Variants in CCNY observed in about 807,000 individuals in gnomAD.
CCNY encodes the protein cyclin Y, also known as cyclin-Y.
CCNY carries 19 observed loss-of-function variants against 42.8 expected under a neutral mutation model. The observed-to-expected ratio is 0.44, with a 90% confidence interval of 0.31 to 0.65. The LOEUF is 0.65. Among genes scored for constraint, CCNY ranks in the 30% least tolerant of loss-of-function variants. CCNY has a pLI of 0.07. For missense variants in CCNY, 370 were observed against 437.3 expected, an observed-to-expected ratio of 0.85 and a Z score of 1.37; for synonymous variants, 165 against 162.7, an observed-to-expected ratio of 1.01 and a Z score of -0.11.
At chr10:35,451,235 T>C (rs1838908836) in intron 1 of CCNY, among the ~76,000 whole-genome samples, 1 of 152,186 alleles carries the variant, frequency 6.6e-6, no homozygotes, top group Admixed American at 6.5e-5. Flanking sequence ...TTCCCCCTTT[T>C]TTACAAAAAC....
intron 1 of CCNY, among the ~76,000 whole-genome samples, chr10:35,433,871 A>G (rs562128490): frequency 1.2e-4 from 18 of 152,268 alleles, no homozygotes; most frequent in Admixed American, 1.1e-3. Context: ...GGCCTCCTCA[A>G]AGTGCTAGGA....
intron 9 of CCNY, among the ~76,000 whole-genome samples, chr10:35,566,801 G>A (rs185041362): frequency 1.3e-5 from 2 of 152,174 alleles, no homozygotes; most frequent in Admixed American, 1.3e-4. Context: ...CGCCCCCTGG[G>A]TTCAAGTGAT....
intron 2 of CCNY, chr10:35,250,455 T>G (rs1215396860): frequency 6.6e-6 from 1 of 152,232 alleles, no homozygotes; most frequent in Non-Finnish European, 1.5e-5. Flanking sequence ...TGGTGGTCCA[T>G]GTATCCTCAG....
At chr10:35,531,359 A>G (rs748158061) in intron 7 of CCNY, among the ~76,000 whole-genome samples, 8 of 152,206 alleles carry the variant, frequency 5.3e-5, no homozygotes, top group Non-Finnish European at 1.0e-4. Context: ...AGGCTAACTG[A>G]ACAGAAACCC....
intron 1 of CCNY, among the ~76,000 whole-genome samples, chr10:35,406,958 G>A (rs1301846625): frequency 6.6e-6 from 1 of 152,148 alleles, no homozygotes; most frequent in African/African-American, 2.4e-5. Flanking sequence ...GTAATAAAAT[G>A]CATATTGAAA....
chr10:35,383,730 T>G (rs922644450), intron 1 of CCNY, among the ~76,000 whole-genome samples: 1 of 152,216 alleles, frequency 6.6e-6, no homozygotes, highest in South Asian at 2.1e-4. Flanking sequence ...CCTTAAAGTT[T>G]TTGATAAAGG....
intron 1 of CCNY, among the ~76,000 whole-genome samples, chr10:35,391,540 G>A (rs1837413779): frequency 6.6e-6 from 1 of 152,198 alleles, no homozygotes; most frequent in Non-Finnish European, 1.5e-5. Flanking sequence ...TGAGAACCAG[G>A]AAGTTAAACT....
At chr10:35,414,023 G>A (rs998090508) in intron 1 of CCNY, among the ~76,000 whole-genome samples, 1 of 152,196 alleles carries the variant, frequency 6.6e-6, no homozygotes, top group Admixed American at 6.5e-5. Context: ...TGCAAATAAA[G>A]ATATGTTTTT....
chr10:35,422,170 ATTT>A (rs1277583322), intron 1 of CCNY, among the ~76,000 whole-genome samples: 1 of 152,054 alleles, frequency 6.6e-6, no homozygotes, highest in African/African-American at 2.4e-5. Flanking sequence ...TTCTTTTAAA[ATTT>A]TTTTAAAATT....
intron 1 of CCNY, among the ~76,000 whole-genome samples, chr10:35,437,661 CA>C (rs1408037038): frequency 2.8e-5 from 4 of 142,034 alleles, no homozygotes; most frequent in Non-Finnish European, 3.1e-5. Context: ...GACTCTGTCT[CA>C]AAAAAAAAAC....
chr10:35,264,460 C>A (rs190144612), intron 3 of CCNY, among the ~76,000 whole-genome samples: 74 of 152,294 alleles, frequency 4.9e-4, no homozygotes, highest in Admixed American at 8.5e-4. Flanking sequence ...TTTTTCTCTG[C>A]AACTTCACCA....
chr10:35,354,462 G>A (rs11010182), intron 1 of CCNY, among the ~76,000 whole-genome samples: 43,843 of 152,082 alleles, frequency 0.29, 6,612 homozygotes, highest in Admixed American at 0.35. Flanking sequence ...TGGGATTACA[G>A]GCATGAGTCA....
chr10:35,256,829 A>C (rs1173508299), intron 3 of CCNY, among the ~76,000 whole-genome samples: 1 of 152,196 alleles, frequency 6.6e-6, no homozygotes, highest in South Asian at 2.1e-4. Flanking sequence ...ACATGTTTAT[A>C]ATGTGCTGCC....
intron 1 of CCNY, among the ~76,000 whole-genome samples, chr10:35,379,541 G>A (rs1837131361): frequency 6.6e-6 from 1 of 152,236 alleles, no homozygotes; most frequent in African/African-American, 2.4e-5. Flanking sequence ...AAGTGATTGA[G>A]TGAGCTACTG....
At chr10:35,292,609 C>T (rs1835426306) in intron 3 of CCNY, among the ~76,000 whole-genome samples, 2 of 152,022 alleles carry the variant, frequency 1.3e-5, no homozygotes, top group Admixed American at 1.3e-4. Flanking sequence ...GATCCACCCT[C>T]CTCAGCCTCC....
intron 7 of CCNY, among the ~76,000 whole-genome samples, chr10:35,531,199 G>A: frequency 6.6e-6 from 1 of 152,248 alleles, no homozygotes; most frequent in East Asian, 1.9e-4. Flanking sequence ...TAACTTAGAT[G>A]AGAAATTAGC....
At chr10:35,505,049 T>A (rs1310845171) in intron 3 of CCNY, among the ~76,000 whole-genome samples, 1 of 151,430 alleles carries the variant, frequency 6.6e-6, no homozygotes, top group African/African-American at 2.4e-5. Context: ...TTTTTTTTTT[T>A]AAGGTTAGCT....
intron 3 of CCNY, among the ~76,000 whole-genome samples, chr10:35,290,301 C>A: frequency 6.7e-6 from 1 of 149,048 alleles, no homozygotes; most frequent in Admixed American, 6.7e-5. Context: ...CCTGTAATCC[C>A]AGCTACTTGG....
chr10:35,277,751 C>T (rs1477805397), intron 3 of CCNY, among the ~76,000 whole-genome samples: 2 of 151,714 alleles, frequency 1.3e-5, no homozygotes, highest in Non-Finnish European at 2.9e-5. Flanking sequence ...AAGAGTCCTT[C>T]CTGTCACAGA....
Sources: gnomAD v4.1 joint callset for allele counts (sites outside exome capture counted in the v4.1 genomes callset) on GRCh38, gnomAD v4.1.1 for gene constraint, MANE v1.5 for transcripts, NCBI Gene and HGNC (gene_info 2026-07-23, HGNC 2026-07-21) for gene names.